NOTCH2: variants seen among roughly 807,000 people sequenced by gnomAD.
NOTCH2 encodes the protein notch receptor 2.
Under a neutral mutation model 235.8 loss-of-function variants are expected in NOTCH2, and 29 were observed. That is an observed-to-expected ratio of 0.12 (90% CI 0.09 to 0.17). NOTCH2 has a LOEUF of 0.17. Among genes scored for constraint, NOTCH2 ranks in the 10% least tolerant of loss-of-function variants. NOTCH2 has a pLI of 1.00. For synonymous variants in NOTCH2, 1,086 were observed against 1,141.5 expected (o/e 0.95, Z 0.98); for missense variants, 2,285 against 3,150.2 (o/e 0.73, Z 6.57).
At chr1:119,927,683 A>G (rs1447960558) in intron 23 of NOTCH2, among the ~76,000 whole-genome samples, 1 of 152,204 alleles carries the variant, frequency 6.6e-6, no homozygotes, top group Non-Finnish European at 1.5e-5. Flanking sequence ...GGGGCAATGA[A>G]AGAAACAGGA....
Position 119,919,361 on chromosome 1 carries a change from C to T in NOTCH2, c.5732G>A (p.Arg1911His), listed in dbSNP as rs1216790064. The T allele has an allele frequency of 4.3e-6, 7 of 1,613,174 alleles. No individual in the cohort carries two copies. Among genetic ancestry groups the T allele is most frequent in the African/African-American group, 1.3e-5 (1 of 74,926 alleles). ...TGCCACTGCAGCATGGAGTGGACAG[C>T]GGCCCATGTTGTCCTGGGCATTGGC... Reference protein sequence around the residue: ...ADANAQDNMGRCPLHAAVAAD... With the variant: ...ADANAQDNMGHCPLHAAVAAD... The change falls in exon 31 of 34, where the codon CGC becomes CAC. Residue 1911 changes from arginine to histidine, a missense_variant. Arg to His is a conservative substitution (Grantham distance 29). Around this residue, in one of 6 missense-constraint regions of NOTCH2, gnomAD observed 128 missense variants for 255.9 expected, o/e 0.50. Transcript: ENST00000256646.
In NOTCH2 at chr1:119,950,730, A is replaced by C; in HGVS notation, c.2473T>G (p.Tyr825Asp). 1 of 1,608,212 alleles carries C rather than the reference A, an allele frequency of 6.2e-7. No individual in the cohort carries two copies. The change falls in exon 15 of 34, where the codon TAC becomes GAC. Residue 825 changes from tyrosine to aspartate, a missense_variant. Tyr to Asp is a radical substitution (Grantham distance 160, BLOSUM62 -3). Transcript: ENST00000256646. ...SGYTCHCVLP[Y>D]TGKNCQTVLA... ...TGGTACCTCCAGGACCCACCTGTGT[A>C]TGGCAGCACACAGTGGCAAGTGTAG...
intron 27 of NOTCH2, 74 bp from the exon 28 acceptor site, chr1:119,922,520 G>A: frequency 6.3e-7 from 1 of 1,597,716 alleles, no homozygotes; most frequent in Non-Finnish European, 8.6e-7. Flanking sequence ...GATTCATTTA[G>A]AGGGCAACTT....
At chr1:120,048,107 T>C (rs1654870026) in intron 1 of NOTCH2, among the ~76,000 whole-genome samples, 1 of 150,090 alleles carries the variant, frequency 6.7e-6, no homozygotes, top group South Asian at 2.1e-4. Context: ...GTTTGTAATC[T>C]GTTTTTAAAA....
intron 29 of NOTCH2, among the ~76,000 whole-genome samples, chr1:119,921,210 C>T (rs1351220281): frequency 6.6e-6 from 1 of 152,230 alleles, no homozygotes; most frequent in African/African-American, 2.4e-5. Context: ...TCATGTCAGT[C>T]TCAGCCCAAT....
At chr1:119,956,460 C>T (rs775303813) in intron 12 of NOTCH2, among the ~76,000 whole-genome samples, 8 of 152,216 alleles carry the variant, frequency 5.3e-5, no homozygotes, top group South Asian at 2.1e-4. Flanking sequence ...TGAGTATTCA[C>T]ATTTTTTCAC....
At chr1:120,000,489 G>A (rs1652705790) in intron 3 of NOTCH2, among the ~76,000 whole-genome samples, 1 of 139,594 alleles carries the variant, frequency 7.2e-6, no homozygotes, top group South Asian at 2.3e-4. Context: ...AACCGAGATT[G>A]TGCCCTGCAC....
At chr1:119,981,780 G>T (rs1256312075) in intron 5 of NOTCH2, among the ~76,000 whole-genome samples, 2 of 152,098 alleles carry the variant, frequency 1.3e-5, no homozygotes, top group African/African-American at 2.4e-5. Flanking sequence ...TCAGAAAACA[G>T]GCTTATTATA....
intron 1 of NOTCH2, among the ~76,000 whole-genome samples, chr1:120,066,564 ATGTAT>A (rs1298863353): frequency 1.3e-5 from 2 of 151,344 alleles, no homozygotes; most frequent in Non-Finnish European, 2.9e-5. Context: ...TATTTTTAAG[ATGTAT>A]TGTAAGGCTG....
At position 119,925,563 on chromosome 1, in the gene NOTCH2, G is replaced by C; in HGVS notation, c.4253C>G (p.Pro1418Arg). Residue 1418 changes from proline (P) to arginine (R), a missense_variant, in exon 25 of 34, where the codon CCC (proline) becomes CGC (arginine). Pro to Arg is a moderately radical substitution (Grantham distance 103). Transcript: ENST00000256646. ...CAGACAGGTGGCAGGAGGGGTGCTG[G>C]GGGGTGCCGTGTAGAGTTCACAGCG... is the stretch of plus-strand genomic sequence containing the variant. ...GSRCELYTAP[P>R]STPPATCLSQ... 2 of 1,614,098 alleles carry C rather than the reference G, an allele frequency of 1.2e-6. No individual in the cohort carries two copies. The highest frequency in any genetic ancestry group is 1.7e-6 in the Non-Finnish European group (2 of 1,180,034).
At chr1:119,934,139 C>T (rs900285130) in intron 22 of NOTCH2, among the ~76,000 whole-genome samples, 6 of 152,162 alleles carry the variant, frequency 3.9e-5, no homozygotes, top group Admixed American at 2.6e-4. Context: ...TGCACCAAAC[C>T]ACATGTTAAA....
At chr1:119,944,451 C>T (rs373425812) in intron 17 of NOTCH2, among the ~76,000 whole-genome samples, 7 of 150,738 alleles carry the variant, frequency 4.6e-5, no homozygotes, top group African/African-American at 7.3e-5. Context: ...AGAAGAATGG[C>T]GCAAACCCAG....
At chr1:120,000,103 C>A (rs1553205093) in intron 3 of NOTCH2, among the ~76,000 whole-genome samples, 1 of 152,092 alleles carries the variant, frequency 6.6e-6, no homozygotes, top group Non-Finnish European at 1.5e-5. Context: ...CACTAACTTG[C>A]TGCCTCTGCT....
At chr1:119,935,827 G>A (rs1336133145) in intron 21 of NOTCH2, among the ~76,000 whole-genome samples, 3 of 152,126 alleles carry the variant, frequency 2.0e-5, no homozygotes, top group Non-Finnish European at 4.4e-5. Flanking sequence ...AGTTGAAAAA[G>A]GCACTTTAAA....
intron 12 of NOTCH2, among the ~76,000 whole-genome samples, 163 bp downstream of exon 12, chr1:119,959,229 G>A (rs1477898251): frequency 1.3e-5 from 2 of 152,150 alleles, no homozygotes; most frequent in Non-Finnish European, 2.9e-5. Flanking sequence ...GTTTAGAAAA[G>A]GTCTGTGAAC....
At chr1:119,943,268 T>C (rs17024551) in intron 17 of NOTCH2, among the ~76,000 whole-genome samples, 1,906 of 152,270 alleles carry the variant, frequency 0.013, 42 homozygotes, top group African/African-American at 0.044. Flanking sequence ...ATAATCTCAT[T>C]TGAAGTTAAA....
chr1:119,962,813 A>G (rs184394409), intron 11 of NOTCH2, among the ~76,000 whole-genome samples: 1 of 152,322 alleles, frequency 6.6e-6, no homozygotes, highest in East Asian at 1.9e-4. Flanking sequence ...TCCACTAACC[A>G]TAGTTGTGAC....
At chr1:120,060,275 G>T (rs1201697703) in intron 1 of NOTCH2, among the ~76,000 whole-genome samples, 1 of 141,134 alleles carries the variant, frequency 7.1e-6, no homozygotes, top group Admixed American at 7.1e-5. Flanking sequence ...CAATACAAAC[G>T]CCACTGATGA....
rs761870508 is a variant in NOTCH2 at position 119,923,677 on chromosome 1, G to C, written c.4819C>G (p.Arg1607Gly). The C allele has an allele frequency of 6.2e-7, 1 of 1,614,158 alleles. No individual in the cohort carries two copies. Residue 1607 changes from arginine (R) to glycine (G), a missense_variant, in exon 26 of 34, where the codon CGC becomes GGC. Physicochemically the swap from Arg to Gly is moderately radical, Grantham distance 125. Transcript: ENST00000256646. ...TCTTGTTCACCAGGAAGGGATCTGC[G>C]TGTCATCCTCTGTTTCTTCATAGCA... is the stretch of plus-strand genomic sequence containing the variant. ...SAAMKKQRMT[R>G]RSLPGEQEQE...
Sources: allele counts gnomAD v4.1 joint callset (sites outside exome capture counted in the v4.1 genomes callset), GRCh38; gene constraint gnomAD v4.1.1; regional missense constraint gnomAD v4.1.1; transcripts MANE v1.5; gene names NCBI Gene and HGNC (gene_info 2026-07-23, HGNC 2026-07-21).